Variants in LTBP1 observed in about 807,000 individuals in gnomAD.
LTBP1 encodes latent-transforming growth factor beta-binding protein 1.
In LTBP1, 129 loss-of-function variants were observed where a neutral mutation model predicts 207.6. That is an observed-to-expected ratio of 0.62 (90% confidence interval 0.54 to 0.72). The LOEUF (loss-of-function observed/expected upper bound fraction) is 0.72. Among genes scored for constraint, LTBP1 ranks in the 30% least tolerant of loss-of-function variants. The pLI is 0.00. For missense variants in LTBP1, 2,281 were observed against 2,217.2 expected, an observed-to-expected ratio of 1.03 and a Z score of -0.58; for synonymous variants, 963 against 833.7, an observed-to-expected ratio of 1.16 and a Z score of -2.67.
chr2:33,179,678 T>A (rs181950311), intron 5 of LTBP1, among the ~76,000 whole-genome samples: 3 of 152,106 alleles, frequency 2.0e-5, no homozygotes, highest in Non-Finnish European at 4.4e-5. Context: ...AGAATCTGGC[T>A]AATGGGTTAT....
At chr2:33,362,690 T>A (rs2094940217) in intron 28 of LTBP1, among the ~76,000 whole-genome samples, 1 of 152,168 alleles carries the variant, frequency 6.6e-6, no homozygotes. Flanking sequence ...AAATGAGGAC[T>A]AGATGACCTT....
chr2:33,081,856 C>T (rs1225708712), intron 3 of LTBP1, among the ~76,000 whole-genome samples: 1 of 152,082 alleles, frequency 6.6e-6, no homozygotes, highest in East Asian at 1.9e-4. Context: ...GGGCTTTTCC[C>T]CTCTGTGCTC....
At position 33,222,127 on chromosome 2, in the gene LTBP1, C is replaced by T. The variant is rs755765881; in HGVS notation, c.1852C>T (p.Arg618Trp). 23 of 1,612,148 alleles carry T rather than the reference C, an allele frequency of 1.4e-5. No individual in the cohort carries two copies. The highest frequency in any genetic ancestry group is 1.2e-4 in the South Asian group (11 of 91,046). Residue 618 changes from arginine (R) to tryptophan (W), a missense_variant, in exon 9 of 34, where the codon CGG becomes TGG. Transcript: ENST00000404816. ...GATGGAATGCCTACCGGGTTATAAGCGGGTTAACAACACCTTTTGCCAAGG... is the reference window on the plus strand; with the variant it reads ...GATGGAATGCCTACCGGGTTATAAGTGGGTTAACAACACCTTTTGCCAAGG... ...QMMECLPGYK[R>W]VNNTFCQDIN...
At chr2:33,338,560 A>G (rs1559034502) in intron 24 of LTBP1, among the ~76,000 whole-genome samples, 1 of 152,162 alleles carries the variant, frequency 6.6e-6, no homozygotes, top group Non-Finnish European at 1.5e-5. Context: ...CGATAAGCAC[A>G]GCAGTGGCAC....
At chr2:33,305,939 A>G (rs145399594) in intron 22 of LTBP1, among the ~76,000 whole-genome samples, 205 of 152,318 alleles carry the variant, frequency 1.3e-3, no homozygotes, top group African/African-American at 4.6e-3. Context: ...GGTGACCTCA[A>G]CAAGCTCAGT....
chr2:32,987,112 T>A (rs1194316691), intron 2 of LTBP1, among the ~76,000 whole-genome samples: 2 of 152,094 alleles, frequency 1.3e-5, no homozygotes, highest in Admixed American at 6.5e-5. Flanking sequence ...GAAAGTTAGA[T>A]CAGCATCAGC....
intron 7 of LTBP1, among the ~76,000 whole-genome samples, chr2:33,213,345 A>C (rs1248001599): frequency 6.6e-6 from 1 of 152,222 alleles, no homozygotes; most frequent in Non-Finnish European, 1.5e-5. Context: ...GTAGTGAATA[A>C]TTCACAAAGG....
chr2:33,300,151 C>T (rs538686843), intron 20 of LTBP1, among the ~76,000 whole-genome samples: 11 of 152,258 alleles, frequency 7.2e-5, no homozygotes, highest in African/African-American at 2.6e-4. Context: ...TCAGGTTCTG[C>T]CTTCTGTTTG....
intron 5 of LTBP1, among the ~76,000 whole-genome samples, chr2:33,179,366 T>G (rs2086394492): frequency 6.6e-6 from 1 of 152,086 alleles, no homozygotes; most frequent in Non-Finnish European, 1.5e-5. Context: ...TTAGTTCTTG[T>G]GATATATAAA....
Position 33,389,222 on chromosome 2 carries a change from C to T in LTBP1, c.4750C>T (p.Arg1584Cys), listed in dbSNP as rs1558345118. The T allele has an allele frequency of 1.2e-6, 2 of 1,614,078 alleles. No homozygotes were observed. Among genetic ancestry groups the T allele is most frequent in the African/African-American group, 1.3e-5 (1 of 75,010 alleles). ...AQLCNIPVTG[R>C]RQPYGRDALV... ...GCTGTGTAACATCCCCGTGACGGGA[C>T]GCCGGCAGCCATATGGACGGGACGC... Residue 1584 changes from arginine (R) to cysteine (C), a missense_variant, in exon 32 of 34, where the codon CGC becomes TGC. Physicochemically the swap from Arg to Cys is radical, Grantham distance 180. Coordinates refer to ENST00000404816, the MANE Select transcript of LTBP1 (RefSeq NM_206943.4).
Position 33,395,909 on chromosome 2 carries a change from T to A in LTBP1, c.4835-1224T>A, listed in dbSNP as rs1030037414. On this transcript the variant is annotated intron_variant, in intron 32 of 33. Transcript: ENST00000404816. ...CAGATAGAAAGTTCTAGCCATATAT[T>A]TTTTTTTTTTTTGAAGCTACTTTGT... 4.4e-4 allele frequency among the ~76,000 whole-genome samples: 67 copies of A among 150,892 alleles called. 1 individual carries two copies. In the East Asian group the frequency reaches 9.7e-3, roughly 22 times the overall value.
intron 3 of LTBP1, among the ~76,000 whole-genome samples, chr2:33,094,717 C>T (rs1291811918): frequency 1.3e-5 from 2 of 152,102 alleles, no homozygotes; most frequent in East Asian, 3.8e-4. Flanking sequence ...TACAGATTCC[C>T]CAGTTGCCAG....
intron 7 of LTBP1, among the ~76,000 whole-genome samples, chr2:33,203,446 C>T (rs1306776498): frequency 6.6e-6 from 1 of 152,194 alleles, no homozygotes; most frequent in South Asian, 2.1e-4. Flanking sequence ...CTTAGAACTT[C>T]AGAGAATGGG....
intron 3 of LTBP1, among the ~76,000 whole-genome samples, chr2:33,023,713 T>G (rs1177846979): frequency 2.0e-5 from 3 of 152,218 alleles, no homozygotes; most frequent in Non-Finnish European, 2.9e-5. Flanking sequence ...GATCCAGTCC[T>G]GCTCTTAAGG....
At chr2:33,277,825 CTTTCTTTTT>C (rs1434271827) in intron 18 of LTBP1, among the ~76,000 whole-genome samples, 7 of 86,370 alleles carry the variant, frequency 8.1e-5, no homozygotes, top group East Asian at 4.8e-4. Flanking sequence ...TTCTTTCTTT[CTTTCTTTTT>C]TTTTTTTTTT....
At chr2:33,181,665 A>G (rs1372252199) in intron 5 of LTBP1, among the ~76,000 whole-genome samples, 12 of 152,260 alleles carry the variant, frequency 7.9e-5, no homozygotes. Flanking sequence ...TAACAAGGTT[A>G]TGGAATGTCT....
intron 19 of LTBP1, among the ~76,000 whole-genome samples, chr2:33,283,895 GT>G (rs1482597865): frequency 6.6e-6 from 1 of 152,036 alleles, no homozygotes; most frequent in Non-Finnish European, 1.5e-5. Flanking sequence ...CTGAGTACAT[GT>G]TTTTACATTG....
intron 11 of LTBP1, among the ~76,000 whole-genome samples, chr2:33,256,672 G>A (rs1247725715): frequency 1.3e-4 from 18 of 139,688 alleles, no homozygotes; most frequent in African/African-American, 4.8e-4. Context: ...AACCTAATAT[G>A]ATATATAGTA....
rs1192027762 is a variant in LTBP1 at position 32,947,165 on chromosome 2, C to G, written c.-160C>G. The G allele has an allele frequency of 2.3e-6, 1 of 443,304 alleles. No homozygotes were observed. Among genetic ancestry groups the G allele is most frequent in the Non-Finnish European group, 3.6e-6 (1 of 278,082 alleles). 27.5% of individuals were successfully genotyped at this position (443,304 alleles called of 1,614,324 possible). On this transcript the variant is annotated 5_prime_UTR_variant, in exon 1 of 34. Transcript: ENST00000404816. ...CCGGGGTCTGGGGCCGCTCAGCTGC[C>G]CGCAGAGCCTCCTCCCTCGCCACCG...
Sources: gnomAD v4.1 joint callset for allele counts (sites outside exome capture counted in the v4.1 genomes callset) on GRCh38, gnomAD v4.1.1 for gene constraint, MANE v1.5 for transcripts, NCBI Gene and HGNC (gene_info 2026-07-23, HGNC 2026-07-21) for gene names.